The following SLC4A10 variants were observed in gnomAD, a reference collection of about 807,000 sequenced individuals.
SLC4A10 encodes sodium-driven chloride bicarbonate exchanger.
A neutral mutation model predicts 137.7 loss-of-function variants in SLC4A10; 42 were observed. That is an observed-to-expected ratio of 0.30 (90% CI 0.24 to 0.39). SLC4A10 has a LOEUF of 0.39. Ranked by LOEUF, SLC4A10 falls within the 10% of genes least tolerant of loss-of-function variation. The pLI is 1.00. For synonymous variants in SLC4A10, 474 were observed against 464.1 expected (o/e 1.02, Z -0.27); for missense variants, 925 against 1,355.0 (o/e 0.68, Z 4.98).
intron 1 of SLC4A10, among the ~76,000 whole-genome samples, chr2:161,748,868 G>A (rs2048658722): frequency 6.6e-6 from 1 of 151,984 alleles, no homozygotes; most frequent in Admixed American, 6.6e-5. Context: ...ATTGCTTTGG[G>A]TAGTATAGGC....
At chr2:161,638,332 T>C (rs926248170) in intron 1 of SLC4A10, among the ~76,000 whole-genome samples, 5 of 152,182 alleles carry the variant, frequency 3.3e-5, no homozygotes, top group African/African-American at 1.2e-4. Context: ...AGGGTTCTAG[T>C]TTCATTCTTA....
At chr2:161,845,088 A>G (rs1227924) in intron 4 of SLC4A10, among the ~76,000 whole-genome samples, 236 of 152,246 alleles carry the variant, frequency 1.6e-3, no homozygotes, top group African/African-American at 5.2e-3. Flanking sequence ...TAGGTCATTA[A>G]CTGCAATCAG....
At chr2:161,825,604 CCT>C (rs1183816220) in intron 3 of SLC4A10, among the ~76,000 whole-genome samples, 1 of 152,158 alleles carries the variant, frequency 6.6e-6, no homozygotes, top group Non-Finnish European at 1.5e-5. Context: ...TCCCCGCTCC[CCT>C]CTCATGTGTG....
At chr2:161,777,332 C>T (rs1366651543) in intron 2 of SLC4A10, among the ~76,000 whole-genome samples, 3 of 151,848 alleles carry the variant, frequency 2.0e-5, no homozygotes, top group East Asian at 3.9e-4. Context: ...TGGTTGTGTC[C>T]TTTGATGCAC....
intron 15 of SLC4A10, among the ~76,000 whole-genome samples, chr2:161,933,745 G>T (rs1691051965): frequency 6.6e-6 from 1 of 152,126 alleles, no homozygotes; most frequent in Non-Finnish European, 1.5e-5. Context: ...CACTTAGGTT[G>T]ATTCCATATC....
chr2:161,961,581 A>G (rs756291853), intron 21 of SLC4A10, among the ~76,000 whole-genome samples: 88 of 139,022 alleles, frequency 6.3e-4, no homozygotes, highest in Non-Finnish European at 8.1e-4. Flanking sequence ...CAAAAGTTCC[A>G]TGAGTACTAA....
At chr2:161,795,960 G>T (rs2054728927) in intron 2 of SLC4A10, among the ~76,000 whole-genome samples, 2 of 151,834 alleles carry the variant, frequency 1.3e-5, no homozygotes, top group Non-Finnish European at 2.9e-5. Context: ...GTACCTTTAT[G>T]CAGGTTCTTA....
In SLC4A10 at chr2:161,855,146, C is replaced by G; in HGVS notation, c.577+16C>G. On this transcript the variant is annotated intron_variant, in intron 5 of 26. Transcript: ENST00000446997. ...GAAATTGCAGGTATATCTTTTCCCC[C>G]TTAGTGTATTTTATAGGTACAGCTA... 1 of 1,595,338 alleles carries G rather than the reference C, an allele frequency of 6.3e-7. No homozygotes were observed. The highest frequency in any genetic ancestry group is 8.5e-7 in the Non-Finnish European group (1 of 1,170,666).
intron 3 of SLC4A10, among the ~76,000 whole-genome samples, chr2:161,815,534 A>G (rs1235861401): frequency 6.6e-6 from 1 of 152,168 alleles, no homozygotes; most frequent in East Asian, 1.9e-4. Flanking sequence ...TCACAGTGTG[A>G]AACAGACTAA....
At chr2:161,916,561 T>C (rs1650940403) in intron 15 of SLC4A10, among the ~76,000 whole-genome samples, 1 of 152,236 alleles carries the variant, frequency 6.6e-6, no homozygotes, top group Non-Finnish European at 1.5e-5. Context: ...CTGATGGCTT[T>C]GTGCCAAAGC....
intron 1 of SLC4A10, among the ~76,000 whole-genome samples, chr2:161,699,450 A>G (rs2042911963): frequency 6.6e-6 from 1 of 152,200 alleles, no homozygotes; most frequent in African/African-American, 2.4e-5. Context: ...CCCGGCATAG[A>G]AAGGTAATTT....
At chr2:161,804,712 CTT>C in intron 3 of SLC4A10, 117 bp downstream of exon 3, 1 of 966,404 alleles carries the variant, frequency 1.0e-6, no homozygotes, top group African/African-American at 1.7e-5. Context: ...TTATAAAAGA[CTT>C]TGGGCCGGTT....
At chr2:161,931,700 A>C (rs759114339) in intron 15 of SLC4A10, among the ~76,000 whole-genome samples, 1 of 152,136 alleles carries the variant, frequency 6.6e-6, no homozygotes, top group African/African-American at 2.4e-5. Context: ...AGAACTTACA[A>C]TTTGCTCTGG....
chr2:161,891,447 T>C lies in SLC4A10; in HGVS notation c.1195-3232T>C, dbSNP rs534274692. Reference sequence around the variant, plus strand: ...TCAGGTACACCAATCAAACGTAGGTTTGGTCTATTCACATGGTCCCATATT... The same window carrying C: ...TCAGGTACACCAATCAAACGTAGGTCTGGTCTATTCACATGGTCCCATATT... On this transcript the variant is annotated intron_variant, in intron 10 of 26. Coordinates refer to ENST00000446997, the MANE Select transcript of SLC4A10 (RefSeq NM_001178015.2). Among the ~76,000 whole-genome samples, 4 of 152,240 alleles carry C rather than the reference T, an allele frequency of 2.6e-5. No individual in the cohort carries two copies. The South Asian group carries it at 8.3e-4, about 32-fold the overall frequency.
At chr2:161,777,588 A>G (rs1279275199) in intron 2 of SLC4A10, among the ~76,000 whole-genome samples, 1 of 151,994 alleles carries the variant, frequency 6.6e-6, no homozygotes, top group Non-Finnish European at 1.5e-5. Flanking sequence ...ATGGAAGGCA[A>G]GAAGGAGCAA....
intron 10 of SLC4A10, among the ~76,000 whole-genome samples, chr2:161,884,830 A>C (rs1391910420): frequency 1.3e-5 from 2 of 152,244 alleles, no homozygotes; most frequent in Non-Finnish European, 2.9e-5. Context: ...TGTATTTCTC[A>C]AAGCCTCGGT....
chr2:161,851,342 T>C (rs952005021), intron 4 of SLC4A10, among the ~76,000 whole-genome samples: 1 of 152,200 alleles, frequency 6.6e-6, no homozygotes, highest in African/African-American at 2.4e-5. Context: ...ATTGCCATTA[T>C]CTAAGTCTCT....
chr2:161,944,421 T>C (rs1247729886), intron 16 of SLC4A10, among the ~76,000 whole-genome samples: 1 of 151,854 alleles, frequency 6.6e-6, no homozygotes, highest in African/African-American at 2.4e-5. Flanking sequence ...TAAATAATAA[T>C]ATTCCTTCTA....
chr2:161,648,531 C>CA (rs2036375766), intron 1 of SLC4A10, among the ~76,000 whole-genome samples: 1 of 151,962 alleles, frequency 6.6e-6, no homozygotes, highest in Admixed American at 6.6e-5. Context: ...CAATAAATTC[C>CA]AAATATTTGA....
Sources: gnomAD v4.1 joint callset for allele counts (sites outside exome capture counted in the v4.1 genomes callset) on GRCh38, gnomAD v4.1.1 for gene constraint, MANE v1.5 for transcripts, NCBI Gene and HGNC (gene_info 2026-07-23, HGNC 2026-07-21) for gene names.